The following MICAL2 variants were observed in gnomAD, a reference collection of about 807,000 sequenced individuals.
MICAL2 encodes the protein [F-actin]-monooxygenase MICAL2.
In MICAL2, 77 loss-of-function variants were observed where a neutral mutation model predicts 127.3. The observed-to-expected ratio is 0.60, with a 90% CI of 0.50 to 0.73. The LOEUF is 0.73. MICAL2 is among the 30% of genes least tolerant of loss of function. The pLI is 0.00. For missense variants in MICAL2, 1,351 were observed against 1,434.4 expected, an observed-to-expected ratio of 0.94 and a Z score of 0.94; for synonymous variants, 570 against 551.1, an observed-to-expected ratio of 1.03 and a Z score of -0.48.
chr11:12,126,800 A>G (rs905696650), intron 1 of MICAL2, among the ~76,000 whole-genome samples: 3 of 152,028 alleles, frequency 2.0e-5, no homozygotes, highest in African/African-American at 4.8e-5. Flanking sequence ...ACTAATGTCC[A>G]TCTGCCTGAA....
chr11:12,300,543 G>T (rs1864035484), intron 29 of MICAL2, among the ~76,000 whole-genome samples: 1 of 152,140 alleles, frequency 6.6e-6, no homozygotes, highest in African/African-American at 2.4e-5. Context: ...TGGGCTTGAA[G>T]AAGTAGTAAA....
rs1855476718 is a variant in MICAL2, at chr11:12,211,583, C to T, written c.692-1672C>T. Among the ~76,000 whole-genome samples the T allele has an allele frequency of 2.0e-5, 3 of 152,128 alleles. 1 individual carries two copies. In the South Asian group the frequency reaches 6.2e-4, roughly 31 times the overall value. On this transcript the variant is annotated intron_variant, in intron 6 of 27. Transcript: ENST00000683283. ...GGCCTTACACAAAGTACACAGCATG[C>T]CTGGGGGCAGGGGCACTCAGGAAAG...
intron 3 of MICAL2, among the ~76,000 whole-genome samples, chr11:12,165,221 G>A (rs1278399016): frequency 2.0e-5 from 3 of 151,844 alleles, no homozygotes; most frequent in Admixed American, 6.6e-5. Flanking sequence ...AGTGAGTGTT[G>A]ATTTGTATTC....
At chr11:12,349,786 C>A in intron 32 of MICAL2, 1 of 1,567,554 alleles carries the variant, frequency 6.4e-7, no homozygotes, top group South Asian at 1.1e-5. Context: ...GCAGTTTGAT[C>A]ATGGGGAGAG....
At chr11:12,114,098 A>G (rs1251878763) in intron 1 of MICAL2, among the ~76,000 whole-genome samples, 1 of 152,196 alleles carries the variant, frequency 6.6e-6, no homozygotes, top group Non-Finnish European at 1.5e-5. Flanking sequence ...CAAACTCATA[A>G]TGCATAATCA....
At chr11:12,254,537 T>C (rs369406094) in intron 22 of MICAL2, 200 of 152,566 alleles carry the variant, frequency 1.3e-3, no homozygotes, top group African/African-American at 4.4e-3. Flanking sequence ...CTTCTCCTCT[T>C]TGCTTGGCTT....
chr11:12,355,054 C>T (rs796135962), intron 34 of MICAL2, among the ~76,000 whole-genome samples: 6 of 152,350 alleles, frequency 3.9e-5, no homozygotes, highest in African/African-American at 1.2e-4. Context: ...GAGGGCAGTG[C>T]TTTCCCCCAT....
intron 32 of MICAL2, among the ~76,000 whole-genome samples, chr11:12,328,886 G>A (rs921069030): frequency 1.3e-5 from 2 of 152,156 alleles, no homozygotes; most frequent in Admixed American, 6.5e-5. Context: ...AAAATTGTGA[G>A]GGCTGCTTCC....
intron 1 of MICAL2, among the ~76,000 whole-genome samples, chr11:12,126,293 G>A (rs1850916157): frequency 6.6e-6 from 1 of 152,238 alleles, no homozygotes; most frequent in South Asian, 2.1e-4. Flanking sequence ...TATTTAAGGA[G>A]ATTGGAAGCT....
chr11:12,290,516 G>A (rs1863884038), downstream of MICAL2, among the ~76,000 whole-genome samples: 1 of 152,084 alleles, frequency 6.6e-6, no homozygotes, highest in African/African-American at 2.4e-5. Context: ...AGGGAAGAAG[G>A]AATTTGGCAA....
chr11:12,257,389 T>C (rs79079772), intron 24 of MICAL2, among the ~76,000 whole-genome samples: 1,535 of 152,380 alleles, frequency 0.01, 22 homozygotes, highest in African/African-American at 0.032. Context: ...AGTATGTGTT[T>C]TTAAAATAAC....
At position 12,322,355 on chromosome 11, in the gene MICAL2, C is replaced by T. The variant is rs138931240; in HGVS notation, c.5329-1623C>T. On this transcript the variant is annotated intron_variant, in intron 30 of 34. Coordinates refer to the MICAL2 transcript ENST00000646065. ...CCTAGCTGCCCCATGAAGAATCCCC[C>T]GTCCAAAAGGTCTGGAATCCCCATT... Among the ~76,000 whole-genome samples the T allele has an allele frequency of 4.0e-4, 61 of 152,240 alleles. 1 individual carries two copies. Among genetic ancestry groups the T allele is most frequent in the East Asian group, 1.4e-3 (7 of 5,170 alleles).
chr11:12,273,795 C>T (rs1360153040), upstream of MICAL2, among the ~76,000 whole-genome samples: 1 of 152,054 alleles, frequency 6.6e-6, no homozygotes, highest in East Asian at 1.9e-4. Context: ...AAGGTGTCCC[C>T]AGGAGCAGGG....
chr11:12,284,073 C>A (rs1339777735), intron 2 of MICAL2, among the ~76,000 whole-genome samples: 2 of 152,094 alleles, frequency 1.3e-5, no homozygotes, highest in Non-Finnish European at 2.9e-5. Context: ...TTGTGGAAGG[C>A]CTTCCTAGAT....
At chr11:12,158,768 G>A (rs554788793) in intron 2 of MICAL2, among the ~76,000 whole-genome samples, 5 of 152,328 alleles carry the variant, frequency 3.3e-5, no homozygotes, top group East Asian at 1.9e-4. Flanking sequence ...ACTGAGGGAA[G>A]CCTGTATTAT....
chr11:12,321,322 C>T (rs537055102), intron 30 of MICAL2, among the ~76,000 whole-genome samples: 1 of 152,250 alleles, frequency 6.6e-6, no homozygotes, highest in Non-Finnish European at 1.5e-5. Context: ...GGTTTTCGTC[C>T]TCTGGTTTCT....
intron 26 of MICAL2, chr11:12,260,249 C>T: frequency 2.1e-6 from 3 of 1,438,426 alleles, no homozygotes; most frequent in Non-Finnish European, 1.8e-6. Context: ...TTTGCTCAGG[C>T]TCTGGCCAGG....
upstream of MICAL2, among the ~76,000 whole-genome samples, chr11:12,273,543 T>A (rs1404751777): frequency 1.1e-5 from 1 of 93,518 alleles, no homozygotes; most frequent in South Asian, 2.9e-4. Context: ...GCTGCAGACA[T>A]GTTTTTTTTT....
chr11:12,319,917 G>A, intron 30 of MICAL2: 2 of 785,144 alleles, frequency 2.5e-6, no homozygotes, highest in South Asian at 1.6e-5. Context: ...TCCTTAGGAG[G>A]ATCATGTTTC....
Sources: allele counts gnomAD v4.1 joint callset (sites outside exome capture counted in the v4.1 genomes callset), GRCh38; gene constraint gnomAD v4.1.1; transcripts MANE v1.5; gene names NCBI Gene and HGNC (gene_info 2026-07-23, HGNC 2026-07-21).